The following RBFOX1 variants were observed in gnomAD, a reference collection of about 807,000 sequenced individuals.
RBFOX1 encodes the protein RNA binding fox-1 homolog 1.
In RBFOX1, 8 loss-of-function variants were observed where a neutral mutation model predicts 57.7. That is an observed-to-expected ratio of 0.14 (90% CI 0.08 to 0.25). The LOEUF is 0.25. RBFOX1 is among the 10% of genes least tolerant of loss of function. The pLI, the probability that RBFOX1 is intolerant of heterozygous loss-of-function variation, is 1.00. For synonymous variants in RBFOX1, 326 were observed against 222.4 expected (o/e 1.47, Z -4.15); for missense variants, 611 against 548.5 (o/e 1.11, Z -1.14).
intron 4 of RBFOX1, among the ~76,000 whole-genome samples, chr16:7,258,701 G>T (rs558174461): frequency 1.3e-5 from 2 of 152,216 alleles, no homozygotes; most frequent in African/African-American, 4.8e-5. Context: ...CATGGTTGCT[G>T]TTCTATTAGA....
chr16:6,729,513 G>C (rs148985303), intron 3 of RBFOX1, among the ~76,000 whole-genome samples: 80 of 152,250 alleles, frequency 5.3e-4, no homozygotes, highest in African/African-American at 1.8e-3. Context: ...TTTAGACATA[G>C]AAACAAAGAA....
At chr16:6,166,452 C>G (rs959107641) in intron 1 of RBFOX1, among the ~76,000 whole-genome samples, 3 of 152,048 alleles carry the variant, frequency 2.0e-5, no homozygotes, top group Admixed American at 2.0e-4. Context: ...CTCTCTCTTT[C>G]TCTCTGACTC....
chr16:5,578,155 T>TTGGACATGA (rs769054470), intron 2 of RBFOX1, among the ~76,000 whole-genome samples: 21 of 152,290 alleles, frequency 1.4e-4, no homozygotes, highest in Non-Finnish European at 2.5e-4. Flanking sequence ...TTTCAGCATG[T>TTGGACATGA]TGGCCATGAT....
chr16:6,421,903 C>T (rs1405296899), intron 2 of RBFOX1, among the ~76,000 whole-genome samples: 1 of 151,244 alleles, frequency 6.6e-6, no homozygotes, highest in East Asian at 1.9e-4. Flanking sequence ...TCCTGTTCCT[C>T]CTGTTTAGGG....
chr16:5,421,399 C>T (rs1028924412), intron 1 of RBFOX1, among the ~76,000 whole-genome samples: 5 of 152,176 alleles, frequency 3.3e-5, no homozygotes, highest in Non-Finnish European at 7.3e-5. Flanking sequence ...AAACCTAATC[C>T]ACTCACCTCT....
intron 2 of RBFOX1, among the ~76,000 whole-genome samples, chr16:6,508,533 TAGAA>T (rs1392599225): frequency 8.5e-5 from 13 of 152,250 alleles, no homozygotes; most frequent in Admixed American, 7.2e-4. Flanking sequence ...CTACTGTGCT[TAGAA>T]AGAGAGAAAA....
At chr16:7,130,190 T>C (rs947014938) in intron 4 of RBFOX1, among the ~76,000 whole-genome samples, 4 of 151,938 alleles carry the variant, frequency 2.6e-5, no homozygotes, top group Non-Finnish European at 4.4e-5. Flanking sequence ...CGTGCCACCA[T>C]GCCCAGCTAA....
intron 3 of RBFOX1, among the ~76,000 whole-genome samples, chr16:6,942,256 A>G (rs1044175221): frequency 2.6e-5 from 4 of 152,104 alleles, no homozygotes; most frequent in African/African-American, 9.6e-5. Context: ...CTTCAGCCTG[A>G]CTGACCGAGT....
At chr16:6,333,688 A>C (rs1011323658) in intron 2 of RBFOX1, among the ~76,000 whole-genome samples, 7 of 152,240 alleles carry the variant, frequency 4.6e-5, no homozygotes, top group Non-Finnish European at 8.8e-5. Flanking sequence ...AGTTTAGAAT[A>C]GGTGGCATAT....
intron 3 of RBFOX1, among the ~76,000 whole-genome samples, chr16:6,804,412 T>A (rs2086234311): frequency 6.6e-6 from 1 of 152,140 alleles, no homozygotes; most frequent in Non-Finnish European, 1.5e-5. Flanking sequence ...CTGCAGTATT[T>A]CAGGTCAACA....
chr16:6,311,950 T>C (rs8060928), intron 1 of RBFOX1, among the ~76,000 whole-genome samples: 50,422 of 152,048 alleles, frequency 0.33, 8,668 homozygotes, highest in Middle Eastern at 0.41. Flanking sequence ...TCAGGGTCCT[T>C]TCAAGGACAG....
rs1366502091 is a variant in RBFOX1 at position 6,000,034 on chromosome 16, A to C, written c.351+132699A>C. On this transcript the variant is annotated intron_variant, in intron 4 of 19. Coordinates refer to the RBFOX1 transcript ENST00000641259. ...CCATTATAGGGGATGTTTTTTAGGC[A>C]GGCTGTGTGGGATGACTGTACCTTG... Among the ~76,000 whole-genome samples, 43 of 152,054 alleles carry C rather than the reference A, an allele frequency of 2.8e-4. 1 individual carries two copies. Among genetic ancestry groups the C allele is most frequent in the Admixed American group, 2.8e-3 (43 of 15,258 alleles).
intron 14 of RBFOX1, 75 bp from the exon 15 acceptor site, chr16:7,708,981 A>C: frequency 7.2e-7 from 1 of 1,390,354 alleles, no homozygotes; most frequent in Non-Finnish European, 1.0e-6. Flanking sequence ...CTGTCTTGGT[A>C]TTTTGGATTT....
At chr16:6,857,119 T>A (rs1410568520) in intron 3 of RBFOX1, among the ~76,000 whole-genome samples, 1 of 152,174 alleles carries the variant, frequency 6.6e-6, no homozygotes, top group Non-Finnish European at 1.5e-5. Context: ...CTGACACAAA[T>A]CTCTGTAGAG....
chr16:6,769,018 C>T (rs767055213), intron 3 of RBFOX1, among the ~76,000 whole-genome samples: 20 of 152,132 alleles, frequency 1.3e-4, no homozygotes, highest in South Asian at 4.1e-4. Context: ...TGAGCCACTG[C>T]GCCCAGCCAA....
At chr16:7,620,016 A>C (rs956358976) in intron 10 of RBFOX1, among the ~76,000 whole-genome samples, 14 of 152,226 alleles carry the variant, frequency 9.2e-5, no homozygotes, top group Admixed American at 5.2e-4. Context: ...AAGTGCTTGC[A>C]ATTCATTTAA....
intron 2 of RBFOX1, among the ~76,000 whole-genome samples, chr16:6,348,772 A>G (rs2085795433): frequency 6.6e-6 from 1 of 152,016 alleles, no homozygotes; most frequent in Non-Finnish European, 1.5e-5. Flanking sequence ...CCATTCATGA[A>G]GGATCCACAC....
chr16:7,160,772 C>T (rs141447723), intron 4 of RBFOX1, among the ~76,000 whole-genome samples: 3,687 of 150,280 alleles, frequency 0.025, 81 homozygotes, highest in Non-Finnish European at 0.039. Flanking sequence ...CCTCCTCCGC[C>T]TCCCCCTTTT....
At chr16:7,208,262 C>T (rs1280276350) in intron 4 of RBFOX1, among the ~76,000 whole-genome samples, 16 of 152,172 alleles carry the variant, frequency 1.1e-4, no homozygotes, top group Non-Finnish European at 7.3e-5. Context: ...ATCCTGGCTC[C>T]CTTTGCCTCA....
Sources: gnomAD v4.1 joint callset for allele counts (sites outside exome capture counted in the v4.1 genomes callset) on GRCh38, gnomAD v4.1.1 for gene constraint, MANE v1.5 for transcripts, NCBI Gene and HGNC (gene_info 2026-07-23, HGNC 2026-07-21) for gene names.